CAPN6: variants seen among roughly 807,000 people sequenced by gnomAD.
The protein encoded by CAPN6 is calpain-6.
CAPN6 carries 16 observed loss-of-function variants against 46.0 expected under a neutral mutation model. The observed-to-expected ratio is 0.35, with a 90% CI of 0.24 to 0.53. CAPN6 has a LOEUF of 0.53. Among genes scored for constraint, CAPN6 ranks in the 20% least tolerant of loss-of-function variants. The pLI, the probability that CAPN6 is intolerant of heterozygous loss-of-function variation, is 0.94. For missense variants in CAPN6, 461 were observed against 498.0 expected (o/e 0.93, Z 0.71); for synonymous variants, 206 against 172.8 (o/e 1.19, Z -1.51).
chrX:111,258,566 TGTTG>T (rs1247467610), intron 2 of CAPN6, among the ~76,000 whole-genome samples: 5 of 111,990 alleles, frequency 4.5e-5, no homozygotes, highest in Middle Eastern at 4.6e-3. Flanking sequence ...CAGGGACTAA[TGTTG>T]CACCAGCCTC....
rs1407630048 is a variant in CAPN6, at chrX:111,252,437, G to A, written c.569C>T (p.Thr190Met). ...LTITDIIVDF[T>M]GTLAETVDMQ... ...GTCAACAGTTTCAGCCAATGTGCCC[G>A]TGAAGTCCACAATAATATCAGTGAT... Residue 190 changes from threonine (T) to methionine (M), a missense_variant, in exon 5 of 13, where the codon ACG becomes ATG. Thr to Met is a moderately conservative substitution (Grantham distance 81, BLOSUM62 -1). Coordinates refer to ENST00000324068, the MANE Select transcript of CAPN6 (RefSeq NM_014289.4). 8.3e-7 allele frequency: 1 copy of A among 1,208,454 alleles called. No individual in the cohort carries two copies. Among genetic ancestry groups the A allele is most frequent in the Non-Finnish European group, 1.1e-6 (1 of 894,083 alleles).
chrX:111,260,213 C>T (rs918116257), intron 2 of CAPN6, among the ~76,000 whole-genome samples: 2 of 98,906 alleles, frequency 2.0e-5, no homozygotes, highest in Non-Finnish European at 2.0e-5. Context: ...TAAAACACAG[C>T]AAAGAAGTGG....
Position 111,247,855 on chromosome X carries a change from T to C in CAPN6, c.1606+16A>G. ...CAACTGAATTTTGCTTTCCCAGACATTCCTGCCATTCTTACTTTCATTGGC... is the reference window on the plus strand; with the variant it reads ...CAACTGAATTTTGCTTTCCCAGACACTCCTGCCATTCTTACTTTCATTGGC... On this transcript the variant is annotated intron_variant, in intron 11 of 12. Coordinates refer to ENST00000324068, the MANE Select transcript of CAPN6 (RefSeq NM_014289.4). 8.3e-7 allele frequency: 1 copy of C among 1,207,272 alleles called. No individual in the cohort carries two copies. Among genetic ancestry groups the C allele is most frequent in the Non-Finnish European group, 1.1e-6 (1 of 892,709 alleles).
intron 1 of CAPN6, among the ~76,000 whole-genome samples, chrX:111,267,858 C>T (rs1389335159): frequency 8.9e-6 from 1 of 111,867 alleles, no homozygotes; most frequent in African/African-American, 3.2e-5. Flanking sequence ...ACAGAAGACC[C>T]AATTCTGCCC....
At chrX:111,264,223 G>A (rs1373686863) in intron 1 of CAPN6, among the ~76,000 whole-genome samples, 3 of 111,483 alleles carry the variant, frequency 2.7e-5, no homozygotes, top group Non-Finnish European at 5.7e-5. Flanking sequence ...TAATCTTATT[G>A]GGGAAAAATC....
chrX:111,261,300 T>A (rs1381663949), intron 2 of CAPN6, among the ~76,000 whole-genome samples: 2 of 112,794 alleles, frequency 1.8e-5, no homozygotes, highest in African/African-American at 3.2e-5. Context: ...AGACACAGTT[T>A]CTTTTTATAT....
chrX:111,249,074 A>C lies in CAPN6; in HGVS notation c.1159-17T>G. 8.3e-7 allele frequency: 1 copy of C among 1,205,115 alleles called. No homozygotes were observed. The highest frequency in any genetic ancestry group is 1.8e-5 in the South Asian group (1 of 55,874). On this transcript the variant is annotated splice_polypyrimidine_tract_variant and intron_variant, in intron 8 of 12. Coordinates refer to ENST00000324068, the MANE Select transcript of CAPN6 (RefSeq NM_014289.4). ...GAAGATGTACTAAGGGAAAGAGACC[A>C]CCACAGAGGTGAGTTAGCATTCCCA...
chrX:111,255,290 A>G (rs2094982863), intron 2 of CAPN6, among the ~76,000 whole-genome samples: 2 of 112,667 alleles, frequency 1.8e-5, no homozygotes, highest in Admixed American at 1.9e-4. Context: ...AATAGGATTC[A>G]TAGTGTTGTT....
intron 1 of CAPN6, among the ~76,000 whole-genome samples, chrX:111,269,280 G>A (rs143932685): frequency 9.0e-6 from 1 of 111,629 alleles, no homozygotes; most frequent in Non-Finnish European, 1.9e-5. Context: ...AGGCACACAC[G>A]TGCACATAAG....
intron 2 of CAPN6, among the ~76,000 whole-genome samples, chrX:111,257,755 G>A (rs1297985126): frequency 8.9e-6 from 1 of 111,752 alleles, no homozygotes; most frequent in Non-Finnish European, 1.9e-5. Flanking sequence ...CTGTGCTGGA[G>A]TGGTAGGAAT....
At chrX:111,261,884 A>T (rs1322855120) in intron 2 of CAPN6, among the ~76,000 whole-genome samples, 3 of 111,417 alleles carry the variant, frequency 2.7e-5, no homozygotes, top group South Asian at 3.8e-4. Flanking sequence ...TTCTTAGCCT[A>T]TAAATATGTT....
Position 111,256,845 on chromosome X carries a change from A to ACC in CAPN6, c.166-2444_166-2443dup, listed in dbSNP as rs61313475. Among the ~76,000 whole-genome samples the ACC allele has an allele frequency of 2.7e-4, 21 of 78,953 alleles. No individual in the cohort carries two copies. The East Asian group carries it at 3.5e-3, about 13-fold the overall frequency. The allele number at this position is 78,953 out of a possible 115,157, so 68.6% of individuals were successfully genotyped here. On this transcript the variant is annotated intron_variant, in intron 2 of 12. Transcript: ENST00000324068. ...ATTCATGAGAGAATGTAAATTTGGG[A>ACC]CCCCCCCCCCCACAACATTCCATTT...
Position 111,246,392 on chromosome X carries a change from A to G in CAPN6, c.*185T>C, listed in dbSNP as rs1305559819. 15 of 433,876 alleles carry G rather than the reference A, an allele frequency of 3.5e-5. No individual in the cohort carries two copies. The highest frequency in any genetic ancestry group is 5.6e-5 in the Non-Finnish European group (14 of 252,241). The allele number at this position is 433,876 out of a possible 1,213,427, so 35.8% of individuals were successfully genotyped here. On this transcript the variant is annotated 3_prime_UTR_variant, in exon 13 of 13. Transcript: ENST00000324068. The stretch of plus-strand genomic sequence containing the variant: ...CTCCCCATGTCCAGCTGCTGGAGGT[A>G]TATAGGTTATGTAGCTACAGATGCT...
intron 2 of CAPN6, among the ~76,000 whole-genome samples, chrX:111,256,394 C>T (rs1334045903): frequency 9.0e-6 from 1 of 110,565 alleles, no homozygotes; most frequent in South Asian, 3.8e-4. Flanking sequence ...AGAGAAACTT[C>T]GTTCCAAAAA....
rs1400357569 is a variant in CAPN6, at chrX:111,245,461, GCAAA to G, written c.*1112_*1115del. On this transcript the variant is annotated 3_prime_UTR_variant, in exon 13 of 13. Coordinates refer to ENST00000324068, the MANE Select transcript of CAPN6 (RefSeq NM_014289.4). ...TGTAGAAGTACTGAAAAATGAGAGG[GCAAA>G]CAAACACCCCCAGCGAGTGAAGCAT... The G allele has an allele frequency of 3.6e-5, 4 of 111,255 alleles. No homozygotes were observed. The highest frequency in any genetic ancestry group is 1.3e-4 in the African/African-American group (4 of 30,414). 9.2% of individuals were successfully genotyped at this position (111,255 alleles called of 1,213,427 possible).
Position 111,250,897 on chromosome X carries a change from A to G in CAPN6, c.1158+20T>C, listed in dbSNP as rs1382564197. ...TATTGACTGGATAACTTTGAGGCAA[A>G]TAAAGTAATTGACTCAAACCTGGGG... On this transcript the variant is annotated intron_variant, in intron 8 of 12. Coordinates refer to ENST00000324068, the MANE Select transcript of CAPN6 (RefSeq NM_014289.4). 2 of 1,195,456 alleles carry G rather than the reference A, an allele frequency of 1.7e-6. No homozygotes were observed. Among genetic ancestry groups the G allele is most frequent in the South Asian group, 1.8e-5 (1 of 55,716 alleles).
At chrX:111,268,697 G>A (rs1016408911) in intron 1 of CAPN6, among the ~76,000 whole-genome samples, 3 of 112,515 alleles carry the variant, frequency 2.7e-5, no homozygotes, top group Admixed American at 9.4e-5. Context: ...CCTTTTGGCC[G>A]AATAAGCCCA....
At chrX:111,256,164 C>T (rs1445349764) in intron 2 of CAPN6, among the ~76,000 whole-genome samples, 1 of 111,121 alleles carries the variant, frequency 9.0e-6, no homozygotes, top group Admixed American at 9.5e-5. Context: ...TTTGGGAGGC[C>T]GAGGCAGGTG....
chrX:111,263,403 G>A (rs1408347933), intron 2 of CAPN6, among the ~76,000 whole-genome samples: 1 of 111,426 alleles, frequency 9.0e-6, no homozygotes, highest in African/African-American at 3.3e-5. Context: ...TTTTTTTGTT[G>A]TTTTTTCTAA....
Sources: allele counts gnomAD v4.1 joint callset (sites outside exome capture counted in the v4.1 genomes callset), GRCh38; gene constraint gnomAD v4.1.1; transcripts MANE v1.5; gene names NCBI Gene and HGNC (gene_info 2026-07-23, HGNC 2026-07-21).